The following SLC9C1 variants were observed in gnomAD, a reference collection of about 807,000 sequenced individuals.
SLC9C1 encodes sodium/hydrogen exchanger 10.
A neutral mutation model predicts 140.9 loss-of-function variants in SLC9C1; 97 were observed. That is an observed-to-expected ratio of 0.69 (90% CI 0.58 to 0.82). The LOEUF is 0.82. Among genes scored for constraint, SLC9C1 ranks in the 40% least tolerant of loss-of-function variants. SLC9C1 has a pLI of 0.00. For synonymous variants in SLC9C1, 440 were observed against 442.6 expected (o/e 0.99, Z 0.07); for missense variants, 1,340 against 1,389.3 (o/e 0.96, Z 0.56).
chr3:112,182,133 C>G lies in SLC9C1; in HGVS notation c.2649G>C (p.Gln883His), dbSNP rs2077450075. The change falls in exon 21 of 29, where the codon CAG becomes CAC. Residue 883 changes from glutamine (Q) to histidine (H), a missense_variant and splice_region_variant. Transcript: ENST00000305815. ...TATTAATAGGAAATAAAAGTGTTAC[C>G]TGAATGAAGTTTATATAATCTTTGT... ...DKNKDYINFI[Q>H]EKAKVVTFDC... 1 of 1,514,424 alleles carries G rather than the reference C, an allele frequency of 6.6e-7. No individual in the cohort carries two copies. Among genetic ancestry groups the G allele is most frequent in the Admixed American group, 2.1e-5 (1 of 47,336 alleles). The allele number at this position is 1,514,424 out of a possible 1,614,324, so 93.8% of individuals were successfully genotyped here.
intron 13 of SLC9C1, among the ~76,000 whole-genome samples, chr3:112,221,503 G>T (rs1453316166): frequency 6.6e-6 from 1 of 151,928 alleles, no homozygotes; most frequent in African/African-American, 2.4e-5. Flanking sequence ...ATGAGTTTGG[G>T]AACTACTGCA....
intron 2 of SLC9C1, among the ~76,000 whole-genome samples, chr3:112,286,440 A>T (rs1260248069): frequency 6.6e-6 from 1 of 152,194 alleles, no homozygotes; most frequent in Non-Finnish European, 1.5e-5. Flanking sequence ...TCCTTCATTG[A>T]AATCTGACCC....
At chr3:112,258,478 G>C (rs2079675904) in intron 10 of SLC9C1, among the ~76,000 whole-genome samples, 1 of 151,870 alleles carries the variant, frequency 6.6e-6, no homozygotes, top group African/African-American at 2.4e-5. Context: ...CTGTCGCCCA[G>C]GCTGGAGTGC....
chr3:112,167,060 A>G (rs992706696), intron 26 of SLC9C1, among the ~76,000 whole-genome samples, 161 bp downstream of exon 26: 1 of 152,200 alleles, frequency 6.6e-6, no homozygotes, highest in Non-Finnish European at 1.5e-5. Flanking sequence ...TGTAACTTCA[A>G]TATTGTCTGT....
At chr3:112,190,686 A>G (rs1017302860) in intron 20 of SLC9C1, among the ~76,000 whole-genome samples, 2 of 152,032 alleles carry the variant, frequency 1.3e-5, no homozygotes, top group African/African-American at 4.8e-5. Flanking sequence ...CTTTTCAAAC[A>G]TTCATTGTAA....
chr3:112,185,677 G>A (rs2077522476), intron 20 of SLC9C1: 2 of 1,551,662 alleles, frequency 1.3e-6, no homozygotes, highest in East Asian at 4.8e-5. Context: ...CGGGTGCTCC[G>A]GAGGCGTGCA....
chr3:112,219,686 C>G (rs571650656), intron 14 of SLC9C1, among the ~76,000 whole-genome samples: 7 of 152,176 alleles, frequency 4.6e-5, no homozygotes, highest in Non-Finnish European at 7.3e-5. Context: ...TCAAGCAATT[C>G]TCCTATCTCA....
intron 1 of SLC9C1, among the ~76,000 whole-genome samples, chr3:112,289,978 A>G (rs529970904): frequency 6.6e-6 from 1 of 152,176 alleles, no homozygotes; most frequent in Non-Finnish European, 1.5e-5. Flanking sequence ...CAGCTTGAGT[A>G]CTGGGAACTC....
At chr3:112,161,343 C>A (rs1490783989) in intron 26 of SLC9C1, among the ~76,000 whole-genome samples, 1 of 152,148 alleles carries the variant, frequency 6.6e-6, no homozygotes. Context: ...GAAGTCCTTG[C>A]CCATGCCTAT....
At chr3:112,274,185 C>T (rs1339567959) in intron 6 of SLC9C1, among the ~76,000 whole-genome samples, 1 of 152,040 alleles carries the variant, frequency 6.6e-6, no homozygotes, top group African/African-American at 2.4e-5. Context: ...GAGGAAGATA[C>T]AGGGTTTTGA....
chr3:112,198,634 G>C (rs2077825239), intron 20 of SLC9C1, among the ~76,000 whole-genome samples: 1 of 151,602 alleles, frequency 6.6e-6, no homozygotes, highest in Non-Finnish European at 1.5e-5. Flanking sequence ...TTCTTAATGA[G>C]GGTTAAATTT....
chr3:112,222,663 C>T (rs1034052856), intron 13 of SLC9C1, among the ~76,000 whole-genome samples: 1 of 151,988 alleles, frequency 6.6e-6, no homozygotes, highest in Non-Finnish European at 1.5e-5. Context: ...GTAACAAAAA[C>T]AAGACTCAAA....
intron 20 of SLC9C1, among the ~76,000 whole-genome samples, chr3:112,196,988 A>G (rs2077783406): frequency 6.6e-6 from 1 of 151,500 alleles, no homozygotes; most frequent in South Asian, 2.1e-4. Context: ...GAATTAAACA[A>G]TGTGGTAATT....
At chr3:112,253,253 CT>C (rs1372613346) in intron 10 of SLC9C1, among the ~76,000 whole-genome samples, 1 of 152,174 alleles carries the variant, frequency 6.6e-6, no homozygotes, top group Admixed American at 6.5e-5. Context: ...GTCATTTCCA[CT>C]GTTGCCGCCA....
At chr3:112,231,270 A>T in intron 13 of SLC9C1, 91 bp downstream of exon 13, 1 of 1,477,900 alleles carries the variant, frequency 6.8e-7, no homozygotes, top group Non-Finnish European at 9.3e-7. Flanking sequence ...ACAATCTATT[A>T]AGTGAGCATG....
chr3:112,268,193 C>T (rs4496447), intron 7 of SLC9C1, among the ~76,000 whole-genome samples: 45,053 of 151,950 alleles, frequency 0.3, 7,234 homozygotes, highest in East Asian at 0.43. Context: ...TGAATACTAG[C>T]ACATGAGGAA....
At chr3:112,265,315 A>G (rs770412479) in intron 8 of SLC9C1, among the ~76,000 whole-genome samples, 2 of 152,078 alleles carry the variant, frequency 1.3e-5, no homozygotes, top group African/African-American at 4.8e-5. Context: ...AACCTTCAGA[A>G]TCATTCCCCA....
chr3:112,150,002 C>G (rs2074911040), intron 28 of SLC9C1, among the ~76,000 whole-genome samples: 1 of 152,160 alleles, frequency 6.6e-6, no homozygotes. Flanking sequence ...CAAGCTGGCC[C>G]TGGCTGCAAG....
rs1236803314 is a variant in SLC9C1, at chr3:112,243,998, G to A, written c.1276C>T (p.Leu426=). The change falls in exon 11 of 29, where the codon CTA becomes TTA. Residue 426 remains leucine, a synonymous_variant. Coordinates refer to ENST00000305815, the MANE Select transcript of SLC9C1 (RefSeq NM_183061.3). ...RFILPVAVTI[L]GLRDATSTKY... is the part of the protein sequence containing the mutation. ...AATAGTAACTGTTAGGGCTTACCTAGTATAGTAACTGCCACTGGCAAAATA... is the reference window on the plus strand; with the variant it reads ...AATAGTAACTGTTAGGGCTTACCTAATATAGTAACTGCCACTGGCAAAATA... 1 of 1,595,636 alleles carries A rather than the reference G, an allele frequency of 6.3e-7. No homozygotes were observed. Among genetic ancestry groups the A allele is most frequent in the East Asian group, 2.2e-5 (1 of 44,534 alleles).
Sources: gnomAD v4.1 joint callset for allele counts (sites outside exome capture counted in the v4.1 genomes callset) on GRCh38, gnomAD v4.1.1 for gene constraint, MANE v1.5 for transcripts, NCBI Gene and HGNC (gene_info 2026-07-23, HGNC 2026-07-21) for gene names.